The following ATP11B variants were observed in gnomAD, a reference collection of about 807,000 sequenced individuals.
The protein encoded by ATP11B is phospholipid-transporting ATPase IF.
Under a neutral mutation model 157.8 loss-of-function variants are expected in ATP11B, and 81 were observed. The observed-to-expected ratio is 0.51, with a 90% CI of 0.43 to 0.62. The LOEUF is 0.62. ATP11B is among the 20% of genes least tolerant of loss of function. The pLI is 0.00. For missense variants in ATP11B, 1,165 were observed against 1,402.2 expected (o/e 0.83, Z 2.70); for synonymous variants, 451 against 469.4 (o/e 0.96, Z 0.51).
chr3:182,874,564 C>T (rs565999416), intron 19 of ATP11B, among the ~76,000 whole-genome samples: 1 of 152,218 alleles, frequency 6.6e-6, no homozygotes, highest in African/African-American at 2.4e-5. Context: ...GATGGCAAAG[C>T]ATTGTTTATT....
At chr3:182,805,061 G>A (rs1716244822) in intron 1 of ATP11B, among the ~76,000 whole-genome samples, 1 of 152,112 alleles carries the variant, frequency 6.6e-6, no homozygotes, top group South Asian at 2.1e-4. Context: ...TGCCTTCTGG[G>A]TATTAGAAAT....
At chr3:182,829,011 A>G (rs941366922) in intron 3 of ATP11B, among the ~76,000 whole-genome samples, 7 of 152,014 alleles carry the variant, frequency 4.6e-5, no homozygotes, top group Non-Finnish European at 7.4e-5. Flanking sequence ...TTTACTTTTT[A>G]AAAAGAAAAA....
At chr3:182,862,429 G>A (rs1192454615) in intron 12 of ATP11B, among the ~76,000 whole-genome samples, 9 of 152,204 alleles carry the variant, frequency 5.9e-5, no homozygotes, top group African/African-American at 2.2e-4. Flanking sequence ...TTGGATACCT[G>A]TTTTTAGTGC....
At chr3:182,793,851 C>G in intron 1 of ATP11B, 65 bp downstream of exon 1, 1 of 1,103,070 alleles carries the variant, frequency 9.1e-7, no homozygotes, top group Non-Finnish European at 1.2e-6. Context: ...CCCGGGGTGG[C>G]GGGGAAAGGC....
At chr3:182,795,348 T>C (rs1284722285) in intron 1 of ATP11B, among the ~76,000 whole-genome samples, 1 of 152,196 alleles carries the variant, frequency 6.6e-6, no homozygotes, top group Non-Finnish European at 1.5e-5. Context: ...TTAAAGTGGT[T>C]CTCTTGAAGC....
At chr3:182,887,392 A>G (rs546764019) in intron 23 of ATP11B, among the ~76,000 whole-genome samples, 194 bp from the exon 24 acceptor site, 1 of 152,220 alleles carries the variant, frequency 6.6e-6, no homozygotes, top group Admixed American at 6.5e-5. Flanking sequence ...CTCACAAAGA[A>G]TATCAACCTA....
At chr3:182,896,634 T>C in intron 25 of ATP11B, 66 bp from the exon 26 acceptor site, 1 of 1,367,660 alleles carries the variant, frequency 7.3e-7, no homozygotes, top group Non-Finnish European at 1.0e-6. Context: ...GAGAATTAAA[T>C]GACTTTTTAC....
At chr3:182,829,798 A>C (rs1169557347) in intron 4 of ATP11B, 46 bp downstream of exon 4, 43 of 1,469,040 alleles carry the variant, frequency 2.9e-5, no homozygotes, top group Non-Finnish European at 3.9e-5. Context: ...GTCATTTAGA[A>C]GTTGCTAAAT....
At chr3:182,860,541 T>C (rs1027582247) in intron 12 of ATP11B, among the ~76,000 whole-genome samples, 10 of 152,196 alleles carry the variant, frequency 6.6e-5, no homozygotes, top group African/African-American at 2.4e-4. Flanking sequence ...TGGAAATACA[T>C]GTCTTTCAAT....
In ATP11B at chr3:182,867,386, G is replaced by A. The variant is rs762768287; in HGVS notation, c.1630G>A (p.Val544Met). The A allele has an allele frequency of 6.2e-7, 1 of 1,606,770 alleles. No individual in the cohort carries two copies. Among genetic ancestry groups the A allele is most frequent in the Non-Finnish European group, 8.5e-7 (1 of 1,173,732 alleles). The change falls in exon 15 of 30, where the codon GTG (valine) becomes ATG (methionine). Residue 544 changes from valine (V) to methionine (M), a missense_variant. Physicochemically the swap from Val to Met is conservative, Grantham distance 21. Coordinates refer to ENST00000323116, the MANE Select transcript of ATP11B (RefSeq NM_014616.3). ...CCTTTTGATGTCTAGGATTGGTATT[G>A]TGTTTATTGGCAATTCTGAAGAAAC... ...LVEAAARIGI[V>M]FIGNSEETME...
chr3:182,902,585 A>G, intron 28 of ATP11B: 1 of 1,275,544 alleles, frequency 7.8e-7, no homozygotes, highest in Non-Finnish European at 1.0e-6. Context: ...GGAGGAGTAG[A>G]GCCTCATTAA....
intron 1 of ATP11B, among the ~76,000 whole-genome samples, chr3:182,794,159 G>A (rs1272753261): frequency 2.0e-5 from 3 of 152,232 alleles, no homozygotes; most frequent in African/African-American, 4.8e-5. Context: ...AGTAGGTCTT[G>A]GGGAGATGAG....
At chr3:182,913,830 C>T in intron 28 of ATP11B, 31 bp from the exon 29 acceptor site, 1 of 1,613,834 alleles carries the variant, frequency 6.2e-7, no homozygotes, top group Non-Finnish European at 8.5e-7. Flanking sequence ...TATCTTTAAA[C>T]AACTGATGTT....
At chr3:182,840,480 C>T (rs1231178875) in intron 7 of ATP11B, among the ~76,000 whole-genome samples, 1 of 152,196 alleles carries the variant, frequency 6.6e-6, no homozygotes, top group Non-Finnish European at 1.5e-5. Flanking sequence ...GACTTCTTTC[C>T]TAAACTTCAG....
Position 182,896,712 on chromosome 3 carries a change from T to A in ATP11B, c.2995T>A (p.Trp999Arg), listed in dbSNP as rs1282179291. Reference sequence around the variant, plus strand: ...TCTTTCTGTTTAGATGTTTGGAAACTGGACATTTGGCACTTTGGTCTTCAC... The same window carrying A: ...TCTTTCTGTTTAGATGTTTGGAAACAGGACATTTGGCACTTTGGTCTTCAC... The part of the protein sequence containing the change: ...LLGNGQMFGN[W>R]TFGTLVFTVM... Residue 999 changes from tryptophan to arginine, a missense_variant, in exon 26 of 30, where the codon TGG becomes AGG. This residue lies in a region of ATP11B where 303 missense variants were observed against 296.3 expected (regional missense o/e 1.02). Coordinates refer to ENST00000323116, the MANE Select transcript of ATP11B (RefSeq NM_014616.3). 6.2e-7 allele frequency: 1 copy of A among 1,612,666 alleles called. No homozygotes were observed. The highest frequency in any genetic ancestry group is 1.3e-5 in the African/African-American group (1 of 75,016).
rs1036838830 is a variant in ATP11B, at chr3:182,836,037, A to G, written c.318A>G (p.Gly106=). Residue 106 remains glycine (G), a splice_region_variant and synonymous_variant, in exon 5 of 30, where the codon GGA becomes GGG. Coordinates refer to ENST00000323116, the MANE Select transcript of ATP11B (RefSeq NM_014616.3). The part of the protein sequence containing the change: ...FVITVTAIKQ[G]YEDWLRHNSD... ...TTTTACCCTTTGGATATTTACAGGG[A>G]TATGAAGATTGGTTACGGCATAACT... 2 of 1,607,662 alleles carry G rather than the reference A, an allele frequency of 1.2e-6. No homozygotes were observed. Among genetic ancestry groups the G allele is most frequent in the African/African-American group, 2.7e-5 (2 of 74,694 alleles).
chr3:182,840,058 A>G (rs1166199810), intron 7 of ATP11B, among the ~76,000 whole-genome samples: 8 of 152,222 alleles, frequency 5.3e-5, no homozygotes, highest in East Asian at 3.8e-4. Flanking sequence ...GTCCAAGTGC[A>G]TGTACTAGAA....
intron 21 of ATP11B, among the ~76,000 whole-genome samples, chr3:182,883,986 T>C (rs900654699): frequency 3.4e-5 from 5 of 146,342 alleles, no homozygotes; most frequent in Non-Finnish European, 1.5e-5. Flanking sequence ...GAATGCAGAC[T>C]AAAAACAGCA....
At chr3:182,815,500 A>G (rs1716917775) in intron 1 of ATP11B, among the ~76,000 whole-genome samples, 1 of 152,134 alleles carries the variant, frequency 6.6e-6, no homozygotes, top group South Asian at 2.1e-4. Flanking sequence ...TTCCCTAGGC[A>G]TTTTCATGTG....
Sources: gnomAD v4.1 joint callset for allele counts (sites outside exome capture counted in the v4.1 genomes callset) on GRCh38, gnomAD v4.1.1 for gene constraint, gnomAD v4.1.1 regional missense constraint, MANE v1.5 for transcripts, NCBI Gene and HGNC (gene_info 2026-07-23, HGNC 2026-07-21) for gene names.